The following SLCO1B3 variants were observed in gnomAD, a reference collection of about 807,000 sequenced individuals.
The protein encoded by SLCO1B3 is liver-specific organic anion transporter 2.
Under a neutral mutation model 71.8 loss-of-function variants are expected in SLCO1B3, and 72 were observed. The observed-to-expected ratio is 1.00, with a 90% CI of 0.83 to 1.22. The LOEUF (loss-of-function observed/expected upper bound fraction) is 1.22, where lower values mean the gene tolerates loss of function less well. Ranked by LOEUF, SLCO1B3 falls within the 50% of genes most tolerant of loss-of-function variation. The probability of loss-of-function intolerance (pLI) is 0.00; values close to 1 mark genes in which losing one functional copy is unlikely to be tolerated. For synonymous variants in SLCO1B3, 298 were observed against 278.4 expected, an observed-to-expected ratio of 1.07 and a Z score of -0.70; for missense variants, 911 against 819.7, an observed-to-expected ratio of 1.11 and a Z score of -1.36.
intron 8 of SLCO1B3, among the ~76,000 whole-genome samples, chr12:20,868,380 T>C (rs1406175241): frequency 6.6e-6 from 1 of 151,916 alleles, no homozygotes; most frequent in Non-Finnish European, 1.5e-5. Flanking sequence ...AACTGTACAA[T>C]ACAGTATTAT....
chr12:20,856,318 C>T lies in SLCO1B3; in HGVS notation c.226+1149C>T, dbSNP rs944756820. ...CATCTTTACTCTTTCTGGAGTATAC[C>T]TTCATGTATAGATGACCCTCTGTAT... On this transcript the variant is annotated intron_variant, in intron 4 of 15. Transcript: ENST00000381545. 1.4e-4 allele frequency among the ~76,000 whole-genome samples: 22 copies of T among 152,108 alleles called. No individual in the cohort carries two copies. The East Asian group carries it at 2.1e-3, about 15-fold the overall frequency.
chr12:20,837,394 A>G (rs189390074), intron 3 of SLCO1B3, among the ~76,000 whole-genome samples: 9 of 152,116 alleles, frequency 5.9e-5, no homozygotes, highest in Admixed American at 1.3e-4. Flanking sequence ...CAAGTTTCCT[A>G]AGGTAGAAAC....
At chr12:20,872,889 C>T (rs961329794) in intron 8 of SLCO1B3, among the ~76,000 whole-genome samples, 1 of 152,214 alleles carries the variant, frequency 6.6e-6, no homozygotes, top group African/African-American at 2.4e-5. Context: ...CTTCATCAAT[C>T]AGCCCAGCCA....
intron 3 of SLCO1B3, among the ~76,000 whole-genome samples, chr12:20,816,559 C>T (rs1223897642): frequency 6.6e-6 from 1 of 152,154 alleles, no homozygotes; most frequent in Non-Finnish European, 1.5e-5. Context: ...AATAGTACTC[C>T]ATTGTGTATA....
At chr12:20,871,978 T>G (rs1441558765) in intron 8 of SLCO1B3, among the ~76,000 whole-genome samples, 1 of 152,172 alleles carries the variant, frequency 6.6e-6, no homozygotes, top group Non-Finnish European at 1.5e-5. Flanking sequence ...AGTGAGTTCC[T>G]CTAGGCCTCA....
At chr12:20,819,336 A>G (rs1016088359) in intron 3 of SLCO1B3, among the ~76,000 whole-genome samples, 12 of 152,146 alleles carry the variant, frequency 7.9e-5, no homozygotes, top group Admixed American at 7.9e-4. Flanking sequence ...GATGAGGATG[A>G]AATTTGCGCT....
At chr12:20,885,389 C>T (rs776074810) in intron 13 of SLCO1B3, among the ~76,000 whole-genome samples, 3 of 151,700 alleles carry the variant, frequency 2.0e-5, no homozygotes, top group Non-Finnish European at 2.9e-5. Flanking sequence ...CAAATGTGAA[C>T]GAAAATGATA....
chr12:20,832,975 G>GAAAAAA (rs1387521456), intron 3 of SLCO1B3, among the ~76,000 whole-genome samples: 1 of 152,080 alleles, frequency 6.6e-6, no homozygotes, highest in Non-Finnish European at 1.5e-5. Context: ...CTAAAATCCA[G>GAAAAAA]AAATCAGAAA....
At chr12:20,889,914 AAT>A (rs1865869378) in intron 13 of SLCO1B3, among the ~76,000 whole-genome samples, 1 of 71,738 alleles carries the variant, frequency 1.4e-5, no homozygotes, top group South Asian at 1.1e-3. Flanking sequence ...TCATTTTCTT[AAT>A]TTTTTTTTTT....
At chr12:20,858,999 G>C (rs1413893162) in intron 5 of SLCO1B3, 1 of 152,524 alleles carries the variant, frequency 6.6e-6, no homozygotes, top group East Asian at 1.9e-4. Flanking sequence ...TATGATTAGA[G>C]TAAGAAGCTC....
chr12:20,906,886 C>G (rs1258023141), intron 15 of SLCO1B3, among the ~76,000 whole-genome samples: 4 of 152,080 alleles, frequency 2.6e-5, no homozygotes, highest in Admixed American at 1.3e-4. Context: ...TTTGAGCCAA[C>G]AGCAATACTT....
intron 3 of SLCO1B3, among the ~76,000 whole-genome samples, chr12:20,828,953 A>G (rs1281706506): frequency 1.6e-5 from 2 of 128,674 alleles, no homozygotes; most frequent in African/African-American, 5.6e-5. Context: ...TGTACATAAA[A>G]GCCCCTCAGG....
At chr12:20,864,581 A>C (rs555913184) in intron 8 of SLCO1B3, among the ~76,000 whole-genome samples, 126 of 152,302 alleles carry the variant, frequency 8.3e-4, no homozygotes, top group Non-Finnish European at 1.4e-3. Context: ...CACGTTATGT[A>C]CATCATTTTT....
At chr12:20,815,551 A>G (rs890047416) in intron 2 of SLCO1B3, 123 bp from the exon 3 acceptor site, 2 of 484,348 alleles carry the variant, frequency 4.1e-6, no homozygotes, top group South Asian at 2.8e-5. Flanking sequence ...TGGTCAGGAA[A>G]TAGCAGGCCC....
intron 13 of SLCO1B3, among the ~76,000 whole-genome samples, chr12:20,887,695 T>A (rs1865819582): frequency 6.6e-6 from 1 of 151,580 alleles, no homozygotes; most frequent in Non-Finnish European, 1.5e-5. Context: ...TTATTATTAT[T>A]ATTTTTTTTT....
intron 3 of SLCO1B3, among the ~76,000 whole-genome samples, chr12:20,837,471 A>G (rs1002186427): frequency 6.6e-6 from 1 of 152,062 alleles, no homozygotes; most frequent in Non-Finnish European, 1.5e-5. Context: ...ATTTTCCTCT[A>G]AGCATTGCTT....
intron 13 of SLCO1B3, among the ~76,000 whole-genome samples, chr12:20,895,991 G>T (rs1865998747): frequency 6.6e-6 from 1 of 152,176 alleles, no homozygotes; most frequent in Non-Finnish European, 1.5e-5. Context: ...CCATGTGAAG[G>T]CACAGCCCAA....
chr12:20,837,408 A>C (rs1232539333), intron 3 of SLCO1B3, among the ~76,000 whole-genome samples: 1 of 152,096 alleles, frequency 6.6e-6, no homozygotes, highest in East Asian at 1.9e-4. Flanking sequence ...TAGAAACTTA[A>C]ATACTGATTT....
chr12:20,878,854 T>G (rs1392815674), intron 10 of SLCO1B3, among the ~76,000 whole-genome samples: 4 of 152,024 alleles, frequency 2.6e-5, no homozygotes, highest in Non-Finnish European at 5.9e-5. Flanking sequence ...TCATGGTAGA[T>G]ATGTCTTTTA....
Sources: allele counts gnomAD v4.1 joint callset (sites outside exome capture counted in the v4.1 genomes callset), GRCh38; gene constraint gnomAD v4.1.1; transcripts MANE v1.5; gene names NCBI Gene and HGNC (gene_info 2026-07-23, HGNC 2026-07-21).